The following GLI3 variants were observed in gnomAD, a reference collection of about 807,000 sequenced individuals.
GLI3 encodes transcription activator GLI3.
A neutral mutation model predicts 100.8 loss-of-function variants in GLI3; 20 were observed. That is an observed-to-expected ratio of 0.20 (90% CI 0.14 to 0.29). The LOEUF (loss-of-function observed/expected upper bound fraction) is 0.29, where lower values mean the gene tolerates loss of function less well. Among genes scored for constraint, GLI3 ranks in the 10% least tolerant of loss-of-function variants. The probability of loss-of-function intolerance (pLI) is 1.00; values close to 1 mark genes in which losing one functional copy is unlikely to be tolerated. For synonymous variants in GLI3, 938 were observed against 860.5 expected (o/e 1.09, Z -1.58); for missense variants, 2,040 against 2,128.5 (o/e 0.96, Z 0.82).
intron 9 of GLI3, 23 bp from the exon 10 acceptor site, chr7:42,023,631 A>C: frequency 1.1e-4 from 133 of 1,258,404 alleles, no homozygotes; most frequent in Non-Finnish European, 1.5e-4. Context: ...GGTGGGGGGC[A>C]GGGAACAGAG....
intron 2 of GLI3, among the ~76,000 whole-genome samples, chr7:42,196,902 A>G (rs530302661): frequency 7.9e-5 from 12 of 152,384 alleles, no homozygotes; most frequent in African/African-American, 2.2e-4. Flanking sequence ...GAAGCCATCA[A>G]GTAGTATTTC....
intron 2 of GLI3, among the ~76,000 whole-genome samples, chr7:42,198,322 G>A (rs549032803): frequency 6.6e-6 from 1 of 152,212 alleles, no homozygotes; most frequent in Non-Finnish European, 1.5e-5. Flanking sequence ...GAAGCCCTGG[G>A]CCAGGGCAGG....
At chr7:42,144,731 C>T (rs1786660537) in intron 3 of GLI3, among the ~76,000 whole-genome samples, 1 of 152,010 alleles carries the variant, frequency 6.6e-6, no homozygotes, top group Non-Finnish European at 1.5e-5. Flanking sequence ...CCTGCCCACA[C>T]TTTAGAAATA....
chr7:42,039,723 A>G (rs1784091107), intron 7 of GLI3, among the ~76,000 whole-genome samples: 1 of 152,116 alleles, frequency 6.6e-6, no homozygotes. Flanking sequence ...AGAGAACATT[A>G]TTACAAGGAA....
At chr7:42,014,779 C>T (rs968366274) in intron 10 of GLI3, among the ~76,000 whole-genome samples, 3 of 152,134 alleles carry the variant, frequency 2.0e-5, no homozygotes, top group African/African-American at 4.8e-5. Flanking sequence ...ATGCATGAAG[C>T]GTTTTCTTCT....
intron 2 of GLI3, among the ~76,000 whole-genome samples, chr7:42,217,852 A>G (rs1788407794): frequency 6.6e-6 from 1 of 152,274 alleles, no homozygotes. Flanking sequence ...TTTTGGATTC[A>G]TAACGTTTAA....
At chr7:42,226,548 T>A (rs1323313441) in intron 1 of GLI3, among the ~76,000 whole-genome samples, 1 of 152,142 alleles carries the variant, frequency 6.6e-6, no homozygotes. Context: ...CCTACCCCCG[T>A]CTGAAATGGA....
intron 3 of GLI3, among the ~76,000 whole-genome samples, chr7:42,089,757 C>T (rs140320352): frequency 2.0e-3 from 303 of 152,228 alleles, no homozygotes; most frequent in Non-Finnish European, 3.5e-3. Context: ...TTCTTTCATC[C>T]GTAAAATAAG....
At chr7:42,112,019 C>G (rs1248854919) in intron 3 of GLI3, among the ~76,000 whole-genome samples, 1 of 152,190 alleles carries the variant, frequency 6.6e-6, no homozygotes. Flanking sequence ...CCAGTAAAGA[C>G]AGACACAGAG....
intron 3 of GLI3, 75 bp downstream of exon 3, chr7:42,148,135 GCACACACACACACACA>G (rs34148485): frequency 1.2e-4 from 108 of 867,454 alleles, no homozygotes; most frequent in Non-Finnish European, 1.5e-4. Flanking sequence ...CATAAAGCGC[GCACACACACACACACA>G]CACACACACA....
intron 1 of GLI3, among the ~76,000 whole-genome samples, chr7:42,236,146 C>T (rs1393232465): frequency 6.6e-6 from 1 of 152,082 alleles, no homozygotes; most frequent in African/African-American, 2.4e-5. Flanking sequence ...TTCGGACAAT[C>T]TGCTTAAAAG....
At position 41,972,449 on chromosome 7, in the gene GLI3, G is replaced by A. The variant is rs780256503; in HGVS notation, c.1991C>T (p.Ser664Leu). Residue 664 changes from serine (S) to leucine (L), a missense_variant, in exon 13 of 15, where the codon TCG (serine) becomes TTG (leucine). By Grantham distance (145) the Ser-to-Leu change is moderately radical. Coordinates refer to ENST00000395925, the MANE Select transcript of GLI3 (RefSeq NM_000168.6). This position sits in a 1 kb window ranked among gnomAD's most constrained non-coding sequence, Gnocchi z 4.4. ...GGCTCCCTGAGTCGGTCGGCCAGGCGACCTGGACTGTGAATGGCTGCCGGA... is the reference window on the plus strand; with the variant it reads ...GGCTCCCTGAGTCGGTCGGCCAGGCAACCTGGACTGTGAATGGCTGCCGGA... ...RDSGSHSQSR[S>L]PGRPTQGALG... 5.0e-6 allele frequency: 8 copies of A among 1,613,672 alleles called. No homozygotes were observed. Among genetic ancestry groups the A allele is most frequent in the South Asian group, 2.2e-5 (2 of 91,052 alleles).
In GLI3 at chr7:41,964,297, T is replaced by C. The variant is rs749136683; in HGVS notation, c.*33A>G. On this transcript the variant is annotated 3_prime_UTR_variant, in exon 15 of 15. Coordinates refer to ENST00000395925, the MANE Select transcript of GLI3 (RefSeq NM_000168.6). ...GTTTAATCTCTTCAACTCCTATTGA[T>C]TTCCGTTGGTTGCAGTCTTTTTTTC... The C allele has an allele frequency of 6.2e-6, 10 of 1,603,586 alleles. No individual in the cohort carries two copies. Among genetic ancestry groups the C allele is most frequent in the Non-Finnish European group, 8.5e-7 (1 of 1,170,522 alleles).
intron 3 of GLI3, among the ~76,000 whole-genome samples, chr7:42,104,193 G>C (rs1334725886): frequency 6.6e-6 from 1 of 152,166 alleles, no homozygotes; most frequent in Non-Finnish European, 1.5e-5. Flanking sequence ...GTAAAATCCT[G>C]AACTTCACTT....
chr7:41,993,841 A>G (rs920596091), intron 10 of GLI3, among the ~76,000 whole-genome samples: 1 of 152,184 alleles, frequency 6.6e-6, no homozygotes, highest in Non-Finnish European at 1.5e-5. Flanking sequence ...TCTATTCCCC[A>G]CAATCTGATA....
chr7:41,965,118 C>G lies in GLI3; in HGVS notation c.3955G>C (p.Gly1319Arg). 6.2e-7 allele frequency: 1 copy of G among 1,613,718 alleles called. No homozygotes were observed. The highest frequency in any genetic ancestry group is 8.5e-7 in the Non-Finnish European group (1 of 1,179,926). The change falls in exon 15 of 15, where the codon GGA (glycine) becomes CGA (arginine). Residue 1319 changes from glycine (G) to arginine (R), a missense_variant. By Grantham distance (125) the Gly-to-Arg change is moderately radical (BLOSUM62 -2). Coordinates refer to ENST00000395925, the MANE Select transcript of GLI3 (RefSeq NM_000168.6). ...AGCTGGTGAGCCAGGTACCCCTGTCCCACTGGGTCCTGGTTCTGCATGCCA... is the reference window on the plus strand; with the variant it reads ...AGCTGGTGAGCCAGGTACCCCTGTCGCACTGGGTCCTGGTTCTGCATGCCA... Reference protein sequence around the residue: ...VNGMQNQDPVGQGYLAHQLLG... With the variant: ...VNGMQNQDPVRQGYLAHQLLG...
chr7:41,965,057 C>A lies in GLI3; in HGVS notation c.4016G>T (p.Arg1339Leu), dbSNP rs756685313. 1 of 1,613,850 alleles carries A rather than the reference C, an allele frequency of 6.2e-7. No individual in the cohort carries two copies. Among genetic ancestry groups the A allele is most frequent in the Middle Eastern group, 1.6e-4 (1 of 6,062 alleles). ...GDSMQHPGAGRPGQQMLGQIS... is the reference protein window; with the variant it reads ...GDSMQHPGAGLPGQQMLGQIS... ...CTGCCCAAGCATCTGCTGACCGGGG[C>A]GGCCTGCCCCCGGGTGCTGCATGCT... Residue 1339 changes from arginine to leucine, a missense_variant, in exon 15 of 15, where the codon CGC becomes CTC. Physicochemically the swap from Arg to Leu is moderately radical, Grantham distance 102. This residue lies in a region of GLI3 where 1,041 missense variants were observed against 924.0 expected (regional missense o/e 1.13). Transcript: ENST00000395925.
At chr7:42,232,444 C>T (rs1457610649) in intron 1 of GLI3, among the ~76,000 whole-genome samples, 1 of 152,188 alleles carries the variant, frequency 6.6e-6, no homozygotes, top group Non-Finnish European at 1.5e-5. Context: ...TGCTGGGCAG[C>T]ATGGCCTGAA....
At position 42,123,123 on chromosome 7, in the gene GLI3, T is replaced by C. The variant is rs1251697811; in HGVS notation, c.367+25103A>G. On this transcript the variant is annotated intron_variant, in intron 3 of 14. Transcript: ENST00000395925. Reference sequence around the variant, plus strand: ...CAAATGCGTATGTCTGAAGTATGTGTTACTCATCCCTTAAATTAACATCTT... The same window carrying C: ...CAAATGCGTATGTCTGAAGTATGTGCTACTCATCCCTTAAATTAACATCTT... Among the ~76,000 whole-genome samples the C allele has an allele frequency of 3.9e-5, 6 of 152,338 alleles. No individual in the cohort carries two copies. In the South Asian group the frequency reaches 8.3e-4, roughly 21 times the overall value.
Sources: allele counts gnomAD v4.1 joint callset (sites outside exome capture counted in the v4.1 genomes callset), GRCh38; gene constraint gnomAD v4.1.1; regional missense constraint gnomAD v4.1.1; non-coding constraint Gnocchi (gnomAD v3.1); transcripts MANE v1.5; gene names NCBI Gene and HGNC (gene_info 2026-07-23, HGNC 2026-07-21).